The following IMPDH1 variants were observed in gnomAD, a reference collection of about 807,000 sequenced individuals.
IMPDH1 encodes inosine-5'-monophosphate dehydrogenase 1.
A neutral mutation model predicts 73.5 loss-of-function variants in IMPDH1; 41 were observed. That is an observed-to-expected ratio of 0.56 (90% CI 0.43 to 0.72). The LOEUF (loss-of-function observed/expected upper bound fraction) is 0.72. Among genes scored for constraint, IMPDH1 ranks in the 30% least tolerant of loss-of-function variants. The pLI is 0.00. For synonymous variants in IMPDH1, 318 were observed against 334.3 expected (o/e 0.95, Z 0.53); for missense variants, 645 against 824.8 (o/e 0.78, Z 2.67).
Position 128,396,624 on chromosome 7 carries a change from C to T in IMPDH1, c.1237G>A (p.Gly413Ser), listed in dbSNP as rs1167056466. The change falls in exon 12 of 17, where the codon GGC (glycine) becomes AGC (serine). Residue 413 changes from glycine (G) to serine (S), a missense_variant. Transcript: ENST00000338791. The surrounding 1 kb of genome is among the most constrained non-coding windows in gnomAD (Gnocchi z 4.0). ...CCTTCCTGGGTGATGCAGATGGAGC[C>T]GCAGCCCATGCCCACGCGCAGCCCG... is the stretch of plus-strand genomic sequence containing the variant. ...VDGLRVGMGC[G>S]SICITQEVMA... is the part of the protein sequence containing the mutation. The T allele has an allele frequency of 1.1e-5, 17 of 1,555,264 alleles. No homozygotes were observed. The highest frequency in any genetic ancestry group is 1.4e-5 in the Non-Finnish European group (16 of 1,148,868).
intron 5 of IMPDH1, among the ~76,000 whole-genome samples, chr7:128,402,456 C>G (rs1201745987): frequency 6.6e-6 from 1 of 152,168 alleles, no homozygotes; most frequent in Non-Finnish European, 1.5e-5. Flanking sequence ...GGGTCTGACA[C>G]AAAGCCACAC....
Position 128,400,801 on chromosome 7 carries a change from C to A in IMPDH1, c.579+16G>T, listed in dbSNP as rs72624954. On this transcript the variant is annotated intron_variant, in intron 7 of 16. Coordinates refer to ENST00000338791, the MANE Select transcript of IMPDH1 (RefSeq NM_000883.4). ...CTGCCAGGTGGCATCTTGCTGGGGA[C>A]AGGCCTGGTACTTGCCTTGACCTTC... 1.1e-4 allele frequency: 172 copies of A among 1,612,498 alleles called. 2 individuals are homozygous for A. The East Asian group carries it at 1.3e-3, about 12-fold the overall frequency.
Position 128,394,621 on chromosome 7 carries a change from G to A in IMPDH1, c.1551-22C>T, listed in dbSNP as rs373663807. On this transcript the variant is annotated intron_variant, in intron 14 of 16. Transcript: ENST00000338791. This position sits in a 1 kb window ranked among gnomAD's most constrained non-coding sequence, Gnocchi z 5.5. ...CTCGCTGCGTGGAGGGTGGAAGACT[G>A]AGCCCAGCAGCTTGAAGCTCAGAGG... 3.4e-5 allele frequency: 55 copies of A among 1,612,386 alleles called. No individual in the cohort carries two copies. The highest frequency in any genetic ancestry group is 1.7e-4 in the Middle Eastern group (1 of 6,004).
intron 12 of IMPDH1, 141 bp from the exon 13 acceptor site, chr7:128,395,415 A>C: frequency 2.0e-6 from 2 of 997,318 alleles, no homozygotes; most frequent in Non-Finnish European, 3.0e-6. Context: ...TCTGAGGCAT[A>C]ACATAGGTGC....
At chr7:128,409,376 G>C in intron 2 of IMPDH1, 24 bp from the exon 3 acceptor site, 1 of 1,614,180 alleles carries the variant, frequency 6.2e-7, no homozygotes, top group South Asian at 1.1e-5. Context: ...GCTAAGGAGG[G>C]GTAAGCCAAG....
Position 128,409,917 on chromosome 7 carries a change from C to T in IMPDH1, c.-16G>A. 7.3e-7 allele frequency: 1 copy of T among 1,375,236 alleles called. No individual in the cohort carries two copies. Among genetic ancestry groups the T allele is most frequent in the Non-Finnish European group, 9.4e-7 (1 of 1,068,400 alleles). The allele number at this position is 1,375,236 out of a possible 1,614,324, so 85.2% of individuals were successfully genotyped here. A position where few individuals can be genotyped will look rare whatever the true frequency, so the allele number is the denominator to read the frequency against. ...GCCCCTCCATGCGGAGGCCGCAGCT[C>T]AGGGCGGGCGGGAGCCTGGAGGCTC... On this transcript the variant is annotated 5_prime_UTR_variant, in exon 1 of 17. Transcript: ENST00000338791.
In IMPDH1 at chr7:128,400,498, G is replaced by A; in HGVS notation, c.621C>T (p.Ser207=). 1 of 1,612,904 alleles carries A rather than the reference G, an allele frequency of 6.2e-7. No individual in the cohort carries two copies. The highest frequency in any genetic ancestry group is 8.5e-7 in the Non-Finnish European group (1 of 1,179,994). ...GCACATCGCCCACAGTGTGCGAGGG[G>A]CTCAGCACCACAGGGTCCGTGATGA... ...QGFITDPVVL[S]PSHTVGDVLE... is the part of the protein sequence containing the mutation. Residue 207 remains serine, a synonymous_variant, in exon 8 of 17, where the codon AGC becomes AGT. Coordinates refer to ENST00000338791, the MANE Select transcript of IMPDH1 (RefSeq NM_000883.4).
intron 5 of IMPDH1, among the ~76,000 whole-genome samples, chr7:128,401,423 G>A (rs1027234202): frequency 1.9e-4 from 29 of 152,162 alleles, no homozygotes; most frequent in Non-Finnish European, 1.8e-4. Flanking sequence ...AGTGGGAGCC[G>A]ATTAAGTAGA....
chr7:128,394,736 G>A lies in IMPDH1; in HGVS notation c.1551-137C>T, dbSNP rs1797790442. 1 of 1,396,744 alleles carries A rather than the reference G, an allele frequency of 7.2e-7. No homozygotes were observed. Among genetic ancestry groups the A allele is most frequent in the African/African-American group, 1.4e-5 (1 of 70,918 alleles). 86.5% of individuals were successfully genotyped at this position (1,396,744 alleles called of 1,614,324 possible). A position where few individuals can be genotyped will look rare whatever the true frequency, so the allele number is the denominator to read the frequency against. ...TCACTGGGCTGAGTCAGATGGCCCA[G>A]GGACAGATCCTGGGTCTGCTACTTA... On this transcript the variant is annotated intron_variant, in intron 14 of 16. Coordinates refer to ENST00000338791, the MANE Select transcript of IMPDH1 (RefSeq NM_000883.4). This position sits in a 1 kb window ranked among gnomAD's most constrained non-coding sequence, Gnocchi z 5.5.
chr7:128,408,472 G>A (rs957919328), intron 3 of IMPDH1, among the ~76,000 whole-genome samples: 9 of 152,056 alleles, frequency 5.9e-5, no homozygotes, highest in Admixed American at 2.0e-4. Flanking sequence ...CCAGGTTGGC[G>A]AAGGCAGGTG....
chr7:128,397,935 G>A (rs1019762402), intron 10 of IMPDH1, among the ~76,000 whole-genome samples: 19 of 150,818 alleles, frequency 1.3e-4, no homozygotes, highest in African/African-American at 4.4e-4. Context: ...CCATCTTTAT[G>A]AACATGTGTA....
At position 128,399,744 on chromosome 7, in the gene IMPDH1, T is replaced by C. The variant is rs144346035; in HGVS notation, c.874+351A>G. On this transcript the variant is annotated intron_variant, in intron 9 of 16. Transcript: ENST00000338791. ...GAAAATATTATAAAAACAGCTCTAGTGTCAAATAAATTTAACTGCAGGACT... is the reference window on the plus strand; with the variant it reads ...GAAAATATTATAAAAACAGCTCTAGCGTCAAATAAATTTAACTGCAGGACT... Among the ~76,000 whole-genome samples, 354 of 152,302 alleles carry C rather than the reference T, an allele frequency of 2.3e-3. 1 individual carries two copies. Among genetic ancestry groups the C allele is most frequent in the African/African-American group, 8.2e-3 (342 of 41,556 alleles).
intron 7 of IMPDH1, 28 bp from the exon 8 acceptor site, chr7:128,400,567 G>C: frequency 1.3e-6 from 2 of 1,597,992 alleles, no homozygotes; most frequent in Non-Finnish European, 1.7e-6. Flanking sequence ...GGAGGAAAAG[G>C]CTGGAAGAAA....
In IMPDH1 at chr7:128,399,415, G is replaced by A. The variant is rs563660192; in HGVS notation, c.874+680C>T. On this transcript the variant is annotated intron_variant, in intron 9 of 16. Coordinates refer to ENST00000338791, the MANE Select transcript of IMPDH1 (RefSeq NM_000883.4). ...GTTGTGGCAGGGCATGGTGGTTCAC[G>A]CCTGTAATTCCAGCACTTTGGGAGG... is the stretch of plus-strand genomic sequence containing the variant. 3.3e-5 allele frequency among the ~76,000 whole-genome samples: 5 copies of A among 150,234 alleles called. No homozygotes were observed. The East Asian group carries it at 7.9e-4, about 24-fold the overall frequency.
intron 5 of IMPDH1, among the ~76,000 whole-genome samples, chr7:128,402,402 T>C (rs1363378612): frequency 6.6e-6 from 1 of 152,216 alleles, no homozygotes; most frequent in African/African-American, 2.4e-5. Context: ...CACGCCCAGC[T>C]GGTAGGGGTC....
At chr7:128,407,643 G>A (rs1044397406) in intron 3 of IMPDH1, among the ~76,000 whole-genome samples, 8 of 152,186 alleles carry the variant, frequency 5.3e-5, no homozygotes, top group African/African-American at 1.9e-4. Context: ...GCAGAGATTG[G>A]CACACAGCAG....
chr7:128,400,983 C>T (rs1456025813), intron 6 of IMPDH1, 32 bp downstream of exon 6: 1 of 1,601,248 alleles, frequency 6.2e-7, no homozygotes, highest in East Asian at 2.2e-5. Context: ...TTCCTGTGTG[C>T]CCTGGAGTCC....
Position 128,394,889 on chromosome 7 carries a change from C to G in IMPDH1, c.1550G>C (p.Ser517Thr). 6.2e-7 allele frequency: 1 copy of G among 1,611,588 alleles called. No homozygotes were observed. Among genetic ancestry groups the G allele is most frequent in the Non-Finnish European group, 8.5e-7 (1 of 1,180,020 alleles). Residue 517 changes from serine to threonine, a missense_variant and splice_region_variant, in exon 14 of 17, where the codon AGC becomes ACC. By Grantham distance (58) the Ser-to-Thr change is moderately conservative. This residue lies in a region of IMPDH1 where 459 missense variants were observed against 638.2 expected (regional missense o/e 0.72). Transcript: ENST00000338791. The surrounding 1 kb of genome is among the most constrained non-coding windows in gnomAD (Gnocchi z 5.5). ...CAGGTGGGGCCCAGGGTCAGGGAAC[C>G]TGAAGTATCGTTTCTGGCTGCTGCT... The part of the protein sequence containing the change: ...KSSSSQKRYF[S>T]EGDKVKIAQG...
At chr7:128,405,277 G>A (rs1399314812) in intron 4 of IMPDH1, among the ~76,000 whole-genome samples, 1 of 152,168 alleles carries the variant, frequency 6.6e-6, no homozygotes, top group Non-Finnish European at 1.5e-5. Flanking sequence ...CTGTGGGCAG[G>A]GAGGGACACA....
Sources: allele counts gnomAD v4.1 joint callset (sites outside exome capture counted in the v4.1 genomes callset), GRCh38; gene constraint gnomAD v4.1.1; regional missense constraint gnomAD v4.1.1; non-coding constraint Gnocchi (gnomAD v3.1); transcripts MANE v1.5; gene names NCBI Gene and HGNC (gene_info 2026-07-23, HGNC 2026-07-21).